Variants in MRPL18 observed in about 807,000 individuals in gnomAD.
MRPL18 encodes mitochondrial ribosomal protein L18.
A neutral mutation model predicts 20.9 loss-of-function variants in MRPL18; 16 were observed. The ratio of observed to expected loss-of-function variants is 0.76; its 90% CI spans 0.52 to 1.16. The LOEUF (loss-of-function observed/expected upper bound fraction) is 1.16, where lower values mean the gene tolerates loss of function less well. Ranked by LOEUF, MRPL18 falls within the 50% of genes most tolerant of loss-of-function variation. The pLI, the probability that MRPL18 is intolerant of heterozygous loss-of-function variation, is 0.00. For synonymous variants in MRPL18, 91 were observed against 87.1 expected, an observed-to-expected ratio of 1.04 and a Z score of -0.25; for missense variants, 233 against 230.6, an observed-to-expected ratio of 1.01 and a Z score of -0.07.
rs148750648 is a variant in MRPL18 at position 159,796,332 on chromosome 6, T to G, written c.240-955T>G. Among the ~76,000 whole-genome samples the G allele has an allele frequency of 5.7e-3, 867 of 151,736 alleles. 7 individuals are homozygous for G. Among genetic ancestry groups the G allele is most frequent in the African/African-American group, 0.02 (826 of 41,372 alleles). ...TGTCTCTACAAAAAAATACAAAAAT[T>G]AGCTGGGTGCAGTGGCATGCGCCTG... is the stretch of plus-strand genomic sequence containing the variant. On this transcript the variant is annotated intron_variant, in intron 2 of 3. Transcript: ENST00000367034.
upstream of MRPL18, chr6:159,789,959 G>T (rs1200453669): frequency 5.4e-6 from 1 of 186,528 alleles, no homozygotes; most frequent in Non-Finnish European, 1.2e-5. Flanking sequence ...GTTAGAGTTG[G>T]GGTTCTGAGC....
chr6:159,790,311 C>T (rs1020740432), upstream of MRPL18, among the ~76,000 whole-genome samples: 4 of 152,120 alleles, frequency 2.6e-5, no homozygotes, highest in African/African-American at 7.2e-5. Context: ...AAGCAACAAG[C>T]GTGGTCTTGG....
chr6:159,790,853 T>C (rs1780864521), intron 1 of MRPL18, 87 bp from the exon 2 acceptor site: 1 of 1,515,642 alleles, frequency 6.6e-7, no homozygotes, highest in Non-Finnish European at 8.9e-7. Flanking sequence ...AGATTGGGGG[T>C]GTAAAAGCGG....
chr6:159,798,283 GT>G lies in MRPL18; in HGVS notation c.*167del, dbSNP rs151009761. ...TTAAGGTCATCCTCCTCCCCTTTCTGTTTTTTTAAATCAAGAACTACGTTCT... is the reference window on the plus strand; with the variant it reads ...TTAAGGTCATCCTCCTCCCCTTTCTGTTTTTTAAATCAAGAACTACGTTCT... On this transcript the variant is annotated 3_prime_UTR_variant, in exon 4 of 4. Transcript: ENST00000367034. 1 of 540,686 alleles carries G rather than the reference GT, an allele frequency of 1.8e-6. No homozygotes were observed. The highest frequency in any genetic ancestry group is 3.2e-6 in the Non-Finnish European group (1 of 315,494). The allele number at this position is 540,686 out of a possible 1,614,324, so 33.5% of individuals were successfully genotyped here. A position where few individuals can be genotyped will look rare whatever the true frequency, so the allele number is the denominator to read the frequency against.
chr6:159,797,258 T>A (rs1781050429), intron 2 of MRPL18, 29 bp from the exon 3 acceptor site: 1 of 1,581,224 alleles, frequency 6.3e-7, no homozygotes. Flanking sequence ...GATTCTTCTG[T>A]GATTTTATTA....
upstream of MRPL18, chr6:159,790,352 G>C: frequency 4.8e-6 from 3 of 624,488 alleles, no homozygotes; most frequent in South Asian, 5.8e-5. Flanking sequence ...GTGGGCTCCA[G>C]GGCCTGCGTG....
At chr6:159,796,156 G>A (rs1781024729) in intron 2 of MRPL18, among the ~76,000 whole-genome samples, 1 of 122,522 alleles carries the variant, frequency 8.2e-6, no homozygotes, top group Non-Finnish European at 1.7e-5. Context: ...TTTTAACCAT[G>A]CAGCAAATTT....
intron 2 of MRPL18, among the ~76,000 whole-genome samples, chr6:159,793,244 A>G (rs1780947711): frequency 6.6e-6 from 1 of 152,214 alleles, no homozygotes. Flanking sequence ...TCAGAATATT[A>G]TAGTAGGAAA....
intron 2 of MRPL18, 104 bp downstream of exon 2, chr6:159,791,230 G>A (rs1443701250): frequency 2.8e-6 from 4 of 1,407,146 alleles, no homozygotes; most frequent in Non-Finnish European, 3.9e-6. Flanking sequence ...GCGGCGGGTA[G>A]AGGCAGGGTT....
chr6:159,789,975 G>A (rs1462485603), upstream of MRPL18: 4 of 179,426 alleles, frequency 2.2e-5, no homozygotes, highest in Middle Eastern at 2.7e-3. Flanking sequence ...TGAGCGAGTC[G>A]TGCGTTTTAG....
chr6:159,797,234 A>C (rs574316055), intron 2 of MRPL18, 53 bp from the exon 3 acceptor site: 46 of 1,487,236 alleles, frequency 3.1e-5, no homozygotes, highest in Non-Finnish European at 4.0e-5. Flanking sequence ...CAATTAATGT[A>C]ACTTTAGGAT....
intron 2 of MRPL18, among the ~76,000 whole-genome samples, chr6:159,792,322 A>G (rs1215325668): frequency 6.6e-6 from 1 of 152,182 alleles, no homozygotes; most frequent in East Asian, 1.9e-4. Context: ...AGTACTATGT[A>G]AAGTTGTAAG....
rs560482565 is a variant in MRPL18, at chr6:159,791,221, C to T, written c.239+95C>T. ...GGCACTCTCCCAGGTAGCTGCCATGCGGCGGGTAGAGGCAGGGTTCGCGGA... is the reference window on the plus strand; with the variant it reads ...GGCACTCTCCCAGGTAGCTGCCATGTGGCGGGTAGAGGCAGGGTTCGCGGA... On this transcript the variant is annotated intron_variant, in intron 2 of 3. Transcript: ENST00000367034. The T allele has an allele frequency of 1.4e-3, 2,029 of 1,467,086 alleles. 2 individuals are homozygous for T. Among genetic ancestry groups the T allele is most frequent in the South Asian group, 2.6e-3 (202 of 76,856 alleles). 90.9% of individuals were successfully genotyped at this position (1,467,086 alleles called of 1,614,324 possible).
chr6:159,791,011 G>T lies in MRPL18; in HGVS notation c.124G>T (p.Glu42Ter). ...AKPEVDPVEN[E>*]AVAPEFTNRN... is the part of the protein sequence containing the mutation. The stretch of plus-strand genomic sequence containing the variant: ...ACCTGAAGTGGACCCTGTGGAAAAT[G>T]AAGCTGTCGCCCCAGAATTCACCAA... Residue 42 changes from glutamate to a stop codon, truncating the protein, a stop_gained, in exon 2 of 4, where the codon GAA (glutamate) becomes TAA (stop). Transcript: ENST00000367034. LOFTEE classifies it high-confidence loss of function. 6.2e-7 allele frequency: 1 copy of T among 1,614,238 alleles called. No individual in the cohort carries two copies. Among genetic ancestry groups the T allele is most frequent in the Non-Finnish European group, 8.5e-7 (1 of 1,180,034 alleles).
In MRPL18 at chr6:159,791,023, C is replaced by T; in HGVS notation, c.136C>T (p.Pro46Ser). The stretch of plus-strand genomic sequence containing the variant: ...CCCTGTGGAAAATGAAGCTGTCGCC[C>T]CAGAATTCACCAACCGGAACCCCCG... The part of the protein sequence containing the change: ...VDPVENEAVA[P>S]EFTNRNPRNL... The change falls in exon 2 of 4, where the codon CCA becomes TCA. Residue 46 changes from proline (P) to serine (S), a missense_variant. Physicochemically the swap from Pro to Ser is moderately conservative, Grantham distance 74. Transcript: ENST00000367034. 1 of 1,614,174 alleles carries T rather than the reference C, an allele frequency of 6.2e-7. No homozygotes were observed. Among genetic ancestry groups the T allele is most frequent in the Non-Finnish European group, 8.5e-7 (1 of 1,180,032 alleles).
At chr6:159,795,043 T>C (rs992045046) in intron 2 of MRPL18, among the ~76,000 whole-genome samples, 1 of 152,244 alleles carries the variant, frequency 6.6e-6, no homozygotes, top group African/African-American at 2.4e-5. Context: ...GCTGTGCTTT[T>C]AGATATGCAT....
chr6:159,790,713 A>G lies in MRPL18; in HGVS notation c.52+74A>G, dbSNP rs562626792. The stretch of plus-strand genomic sequence containing the variant: ...CAGTACATTGGAACGTGCGGGTTCT[A>G]TTTTGTATTCGACGTGCCGGATCGA... On this transcript the variant is annotated intron_variant, in intron 1 of 3. Transcript: ENST00000367034. The G allele has an allele frequency of 5.1e-6, 8 of 1,578,996 alleles. No homozygotes were observed. In the East Asian group the frequency reaches 1.6e-4, roughly 31 times the overall value.
At chr6:159,793,999 C>A (rs188624290) in intron 2 of MRPL18, among the ~76,000 whole-genome samples, 1 of 152,190 alleles carries the variant, frequency 6.6e-6, no homozygotes, top group African/African-American at 2.4e-5. Context: ...AATGCCTCTT[C>A]TATTTCACAT....
At chr6:159,794,103 C>G (rs1036189595) in intron 2 of MRPL18, among the ~76,000 whole-genome samples, 2 of 152,136 alleles carry the variant, frequency 1.3e-5, no homozygotes, top group Non-Finnish European at 2.9e-5. Context: ...GTTATAAAAT[C>G]CAAAGGGAGT....
Sources: gnomAD v4.1 joint callset for allele counts (sites outside exome capture counted in the v4.1 genomes callset) on GRCh38, gnomAD v4.1.1 for gene constraint, MANE v1.5 for transcripts, NCBI Gene and HGNC (gene_info 2026-07-23, HGNC 2026-07-21) for gene names.